TDRD10: variants seen among roughly 807,000 people sequenced by gnomAD.
TDRD10 encodes the protein tudor domain containing 10.
In TDRD10, 40 loss-of-function variants were observed where a neutral mutation model predicts 48.0. That is an observed-to-expected ratio of 0.83 (90% confidence interval 0.65 to 1.09). The LOEUF (loss-of-function observed/expected upper bound fraction) is 1.09. Among genes scored for constraint, TDRD10 ranks in the 50% least tolerant of loss-of-function variants. TDRD10 has a pLI of 0.00. For synonymous variants in TDRD10, 162 were observed against 170.4 expected (o/e 0.95, Z 0.38); for missense variants, 378 against 434.7 (o/e 0.87, Z 1.16).
chr1:154,541,363 G>A lies in TDRD10; in HGVS notation c.370-661G>A, dbSNP rs574300272. 3.9e-5 allele frequency among the ~76,000 whole-genome samples: 6 copies of A among 152,234 alleles called. No individual in the cohort carries two copies. In the South Asian group the frequency reaches 1.2e-3, roughly 32 times the overall value. On this transcript the variant is annotated intron_variant, in intron 6 of 12. Coordinates refer to ENST00000368482, the MANE Select transcript of TDRD10 (RefSeq NM_182499.4). Reference sequence around the variant, plus strand: ...CTTCCTGTTTGCCCTCTGATGAAGAGGCAAGTTAATGGGCAGGGGTTGTGG... The same window carrying A: ...CTTCCTGTTTGCCCTCTGATGAAGAAGCAAGTTAATGGGCAGGGGTTGTGG...
intron 7 of TDRD10, 53 bp from the exon 8 acceptor site, chr1:154,542,678 A>C: frequency 6.7e-7 from 1 of 1,498,034 alleles, no homozygotes; most frequent in Non-Finnish European, 9.2e-7. Context: ...TAGGGGAGCA[A>C]TTCCTCTCTG....
chr1:154,544,333 A>T, intron 9 of TDRD10, 39 bp from the exon 10 acceptor site: 3 of 1,557,622 alleles, frequency 1.9e-6, no homozygotes, highest in Non-Finnish European at 2.6e-6. Flanking sequence ...TTTGTAATGC[A>T]GTGCAGGCAG....
chr1:154,515,751 G>T (rs1693728334), intron 4 of TDRD10, among the ~76,000 whole-genome samples: 1 of 152,090 alleles, frequency 6.6e-6, no homozygotes, highest in Non-Finnish European at 1.5e-5. Context: ...TTTCGCTCTT[G>T]TCACCCTGGC....
chr1:154,538,851 T>TTTAG (rs1695069254), intron 6 of TDRD10, among the ~76,000 whole-genome samples: 1 of 146,268 alleles, frequency 6.8e-6, no homozygotes. Flanking sequence ...AGACTCCATC[T>TTTAG]CACGGTGCTT....
intron 6 of TDRD10, among the ~76,000 whole-genome samples, chr1:154,531,599 G>A (rs936806000): frequency 1.3e-5 from 2 of 152,160 alleles, no homozygotes; most frequent in East Asian, 1.9e-4. Flanking sequence ...TCAGACCTTC[G>A]GGGTGAGTGT....
intron 6 of TDRD10, among the ~76,000 whole-genome samples, chr1:154,524,322 A>G (rs1437956130): frequency 6.6e-6 from 1 of 152,044 alleles, no homozygotes; most frequent in Non-Finnish European, 1.5e-5. Context: ...ATGCACCACT[A>G]TGCCTGACTA....
intron 4 of TDRD10, among the ~76,000 whole-genome samples, chr1:154,517,560 T>C (rs762443598): frequency 1.1e-4 from 16 of 151,982 alleles, no homozygotes; most frequent in Non-Finnish European, 2.4e-4. Context: ...GTAGCTGGGA[T>C]TACAGGCATC....
chr1:154,529,996 A>C (rs1694522292), intron 6 of TDRD10, among the ~76,000 whole-genome samples: 1 of 152,002 alleles, frequency 6.6e-6, no homozygotes, highest in African/African-American at 2.4e-5. Context: ...TTCATTCCTA[A>C]AGAATATTTT....
At chr1:154,531,113 T>G (rs562056944) in intron 6 of TDRD10, among the ~76,000 whole-genome samples, 6 of 152,282 alleles carry the variant, frequency 3.9e-5, no homozygotes, top group Admixed American at 2.6e-4. Context: ...AGTGCTAGGA[T>G]TACAGGTGTG....
Position 154,521,240 on chromosome 1 carries a change from C to T in TDRD10, c.213-83C>T. On this transcript the variant is annotated intron_variant, in intron 5 of 12. Coordinates refer to ENST00000368482, the MANE Select transcript of TDRD10 (RefSeq NM_182499.4). ...GCAGAGAGAAAGGACACTGGCCTTC[C>T]AGCTTGGGCTTGGTGCCTCCCTGCA... 2.2e-6 allele frequency: 3 copies of T among 1,393,424 alleles called. No homozygotes were observed. In the Admixed American group the frequency reaches 5.8e-5, roughly 27 times the overall value. 86.3% of individuals were successfully genotyped at this position (1,393,424 alleles called of 1,614,324 possible).
At chr1:154,506,814 C>T (rs1033106590) in intron 1 of TDRD10, 63 bp from the exon 2 acceptor site, 60 of 1,415,106 alleles carry the variant, frequency 4.2e-5, no homozygotes, top group South Asian at 8.0e-5. Flanking sequence ...AGTACCTATT[C>T]GGTGGTTATA....
chr1:154,521,202 A>G, intron 5 of TDRD10, 121 bp from the exon 6 acceptor site: 2 of 984,692 alleles, frequency 2.0e-6, no homozygotes, highest in South Asian at 1.5e-5. Flanking sequence ...TGAACAGTTC[A>G]TCTTCCATCA....
chr1:154,548,145 T>C lies in TDRD10; in HGVS notation c.*435T>C. On this transcript the variant is annotated 3_prime_UTR_variant, in exon 13 of 13. Transcript: ENST00000368482. The stretch of plus-strand genomic sequence containing the variant: ...AGCAAATAAATGTTGGCATGTTTCA[T>C]GAGTTTGGAGTGATTGATACTTCTT... 4.7e-6 allele frequency: 1 copy of C among 210,874 alleles called. No individual in the cohort carries two copies. Among genetic ancestry groups the C allele is most frequent in the Non-Finnish European group, 9.6e-6 (1 of 103,772 alleles). 13.1% of individuals were successfully genotyped at this position (210,874 alleles called of 1,614,324 possible).
In TDRD10 at chr1:154,507,230, G is replaced by T; in HGVS notation, c.3-11G>T. 6.2e-7 allele frequency: 1 copy of T among 1,613,982 alleles called. No homozygotes were observed. The highest frequency in any genetic ancestry group is 1.1e-5 in the South Asian group (1 of 91,056). On this transcript the variant is annotated splice_polypyrimidine_tract_variant and intron_variant, in intron 2 of 12. Coordinates refer to ENST00000368482, the MANE Select transcript of TDRD10 (RefSeq NM_182499.4). ...CTTGGGAGGTTCGATGCTGACACCT[G>T]TGTTTGACAGGTCCTGGAACATTAG...
intron 11 of TDRD10, among the ~76,000 whole-genome samples, chr1:154,546,770 A>G (rs1296588748): frequency 6.6e-6 from 1 of 152,220 alleles, no homozygotes; most frequent in African/African-American, 2.4e-5. Context: ...AAGTCAGACA[A>G]GCGTCAGTTT....
intron 3 of TDRD10, 29 bp downstream of exon 3, chr1:154,507,349 C>T: frequency 6.2e-7 from 1 of 1,611,516 alleles, no homozygotes; most frequent in Non-Finnish European, 8.5e-7. Context: ...TTCGCTGGTG[C>T]TGGGACTCTC....
chr1:154,541,457 G>A (rs527413886), intron 6 of TDRD10, among the ~76,000 whole-genome samples: 3 of 152,128 alleles, frequency 2.0e-5, no homozygotes, highest in Non-Finnish European at 4.4e-5. Flanking sequence ...GTGGGTGGTG[G>A]TGGTAGGATG....
chr1:154,519,679 G>A (rs1191686917), intron 4 of TDRD10, among the ~76,000 whole-genome samples: 1 of 152,140 alleles, frequency 6.6e-6, no homozygotes, highest in East Asian at 1.9e-4. Context: ...TACAAGTTTG[G>A]CAGAAAAGAG....
intron 11 of TDRD10, among the ~76,000 whole-genome samples, chr1:154,546,025 G>A (rs1186220061): frequency 1.4e-5 from 2 of 142,484 alleles, no homozygotes; most frequent in African/African-American, 5.3e-5. Flanking sequence ...CGCCCACCTC[G>A]GCCTCCCAAA....
Sources: gnomAD v4.1 joint callset for allele counts (sites outside exome capture counted in the v4.1 genomes callset) on GRCh38, gnomAD v4.1.1 for gene constraint, MANE v1.5 for transcripts, NCBI Gene and HGNC (gene_info 2026-07-23, HGNC 2026-07-21) for gene names.